MYLK: variants seen among roughly 807,000 people sequenced by gnomAD.
The protein encoded by MYLK is myosin light chain kinase, smooth muscle.
A neutral mutation model predicts 203.4 loss-of-function variants in MYLK; 106 were observed. The observed-to-expected ratio is 0.52, with a 90% CI of 0.45 to 0.61. The LOEUF (loss-of-function observed/expected upper bound fraction) is 0.61, where lower values mean the gene tolerates loss of function less well. MYLK is among the 20% of genes least tolerant of loss of function. The probability of loss-of-function intolerance (pLI) is 0.00; values close to 1 mark genes in which losing one functional copy is unlikely to be tolerated. For missense variants in MYLK, 2,072 were observed against 2,442.3 expected (o/e 0.85, Z 3.20); for synonymous variants, 867 against 959.5 (o/e 0.90, Z 1.78).
At chr3:123,695,656 T>G (rs1325762792) in intron 18 of MYLK, among the ~76,000 whole-genome samples, 1 of 152,212 alleles carries the variant, frequency 6.6e-6, no homozygotes, top group African/African-American at 2.4e-5. Flanking sequence ...AAATCCATTT[T>G]TCGTAGGATG....
intron 19 of MYLK, among the ~76,000 whole-genome samples, chr3:123,685,955 C>T (rs1027960373): frequency 2.6e-5 from 4 of 152,174 alleles, no homozygotes; most frequent in African/African-American, 9.7e-5. Flanking sequence ...CCGCGCTCCA[C>T]TTGAAGTGTC....
intron 12 of MYLK, among the ~76,000 whole-genome samples, chr3:123,725,214 G>A (rs1338213083): frequency 6.6e-6 from 1 of 152,202 alleles, no homozygotes; most frequent in African/African-American, 2.4e-5. Flanking sequence ...TGTGTCTCCT[G>A]ACTCTCAGCA....
rs763880352 is a variant in MYLK, at chr3:123,647,278, A to G, written c.4565T>C (p.Val1522Ala). ...TTCTTCAAAGGCATCCACACACTGG[A>G]CCAGCTTAGGGTGGTGGAGGCAGTT... ...IMNCLHHPKL[V>A]QCVDAFEEKA... Residue 1522 changes from valine (V) to alanine (A), a missense_variant, in exon 27 of 34, where the codon GTC (valine) becomes GCC (alanine). By Grantham distance (64) the Val-to-Ala change is moderately conservative. Transcript: ENST00000360304. 64 of 1,614,114 alleles carry G rather than the reference A, an allele frequency of 4.0e-5. No individual in the cohort carries two copies. The Middle Eastern group carries it at 1.2e-3, about 29-fold the overall frequency.
intron 9 of MYLK, chr3:123,735,101 C>A (rs2062628217): frequency 7.0e-6 from 3 of 429,336 alleles, no homozygotes; most frequent in Non-Finnish European, 4.4e-6. Flanking sequence ...AGGAAGGCGG[C>A]CTTCTCAGAG....
intron 19 of MYLK, among the ~76,000 whole-genome samples, 180 bp from the exon 20 acceptor site, chr3:123,682,490 A>G (rs1560065630): frequency 6.6e-6 from 1 of 152,196 alleles, no homozygotes; most frequent in Non-Finnish European, 1.5e-5. Flanking sequence ...GAGAGCATCA[A>G]AGAAGGACCG....
chr3:123,722,912 G>T lies in MYLK; in HGVS notation c.1652-632C>A, dbSNP rs115445445. 4.5e-3 allele frequency among the ~76,000 whole-genome samples: 687 copies of T among 151,436 alleles called. 8 individuals are homozygous for T. Among genetic ancestry groups the T allele is most frequent in the African/African-American group, 0.016 (650 of 41,500 alleles). Reference sequence around the variant, plus strand: ...AAATATAGGGAACTAAAAATGACTCGGCTCCTTTTTTCCAGAGTCCCTTAC... The same window carrying T: ...AAATATAGGGAACTAAAAATGACTCTGCTCCTTTTTTCCAGAGTCCCTTAC... On this transcript the variant is annotated intron_variant, in intron 12 of 33. Transcript: ENST00000360304.
chr3:123,692,875 G>T, intron 18 of MYLK, 24 bp from the exon 19 acceptor site: 1 of 1,596,282 alleles, frequency 6.3e-7, no homozygotes, highest in South Asian at 1.1e-5. Flanking sequence ...ATTGTGGAGT[G>T]AACCAGGTGT....
At chr3:123,666,412 G>T in intron 21 of MYLK, 66 bp from the exon 22 acceptor site, 3 of 1,607,712 alleles carry the variant, frequency 1.9e-6, no homozygotes, top group Non-Finnish European at 2.5e-6. Flanking sequence ...CACATTCGAC[G>T]CCATTGTCCA....
intron 3 of MYLK, among the ~76,000 whole-genome samples, chr3:123,829,087 T>C (rs762624898): frequency 1.1e-4 from 16 of 152,136 alleles, no homozygotes; most frequent in Non-Finnish European, 1.6e-4. Flanking sequence ...GCAATTCTAC[T>C]ACTGGAAATT....
At chr3:123,708,406 G>T (rs1012619585) in intron 15 of MYLK, among the ~76,000 whole-genome samples, 1 of 152,130 alleles carries the variant, frequency 6.6e-6, no homozygotes, top group African/African-American at 2.4e-5. Flanking sequence ...AAAATCTATC[G>T]CTGCCAAATT....
intron 20 of MYLK, 88 bp downstream of exon 20, chr3:123,682,136 G>C: frequency 9.8e-7 from 1 of 1,022,040 alleles, no homozygotes; most frequent in South Asian, 1.4e-5. Flanking sequence ...TGAGTGACCA[G>C]AAAGTGGGGG....
chr3:123,793,968 T>C (rs1439474807), intron 3 of MYLK, 124 bp from the exon 4 acceptor site: 11 of 1,026,738 alleles, frequency 1.1e-5, no homozygotes, highest in Non-Finnish European at 3.0e-6. Context: ...CCCAGTTAGG[T>C]CAGTGTCCAC....
chr3:123,855,930 G>A (rs1054292988), intron 2 of MYLK, among the ~76,000 whole-genome samples: 4 of 152,148 alleles, frequency 2.6e-5, no homozygotes, highest in African/African-American at 4.8e-5. Flanking sequence ...GAATTTTAAA[G>A]ACTAATATAA....
At chr3:123,828,844 A>C (rs1191799586) in intron 3 of MYLK, among the ~76,000 whole-genome samples, 1 of 152,208 alleles carries the variant, frequency 6.6e-6, no homozygotes, top group Non-Finnish European at 1.5e-5. Context: ...AAATATATGG[A>C]AAACTGCCCA....
At chr3:123,695,287 C>G (rs888407730) in intron 18 of MYLK, among the ~76,000 whole-genome samples, 7 of 152,240 alleles carry the variant, frequency 4.6e-5, no homozygotes, top group Admixed American at 3.3e-4. Flanking sequence ...TCTGTGCTCC[C>G]AACTCTGAGC....
At chr3:123,819,896 T>C (rs1218568151) in intron 3 of MYLK, among the ~76,000 whole-genome samples, 1 of 150,762 alleles carries the variant, frequency 6.6e-6, no homozygotes, top group African/African-American at 2.4e-5. Flanking sequence ...ATCCCATTCA[T>C]TCCTCCCACC....
chr3:123,860,868 C>T (rs149288311), intron 2 of MYLK, among the ~76,000 whole-genome samples: 14,801 of 152,126 alleles, frequency 0.097, 1,726 homozygotes, highest in East Asian at 0.45. Flanking sequence ...CAGTGGCTTA[C>T]ACCTGTAATC....
intron 29 of MYLK, among the ~76,000 whole-genome samples, chr3:123,633,722 T>C (rs924865522): frequency 6.6e-6 from 1 of 152,206 alleles, no homozygotes; most frequent in Non-Finnish European, 1.5e-5. Flanking sequence ...TCTCAGCTCA[T>C]TGCCAAAGAA....
At chr3:123,756,196 T>C (rs1479833165) in intron 4 of MYLK, among the ~76,000 whole-genome samples, 1 of 152,216 alleles carries the variant, frequency 6.6e-6, no homozygotes, top group East Asian at 1.9e-4. Context: ...GTGAGGTAAG[T>C]TCTGTAGAAC....
Sources: allele counts gnomAD v4.1 joint callset (sites outside exome capture counted in the v4.1 genomes callset), GRCh38; gene constraint gnomAD v4.1.1; transcripts MANE v1.5; gene names NCBI Gene and HGNC (gene_info 2026-07-23, HGNC 2026-07-21).